Variants in MYO9B observed in about 807,000 individuals in gnomAD.
MYO9B encodes unconventional myosin-IXb.
Under a neutral mutation model 229.5 loss-of-function variants are expected in MYO9B, and 71 were observed. The observed-to-expected ratio is 0.31, with a 90% CI of 0.26 to 0.38. The LOEUF is 0.38. Among genes scored for constraint, MYO9B ranks in the 10% least tolerant of loss-of-function variants. The pLI, the probability that MYO9B is intolerant of heterozygous loss-of-function variation, is 1.00. For synonymous variants in MYO9B, 1,185 were observed against 1,235.8 expected, an observed-to-expected ratio of 0.96 and a Z score of 0.86; for missense variants, 2,255 against 2,920.5, an observed-to-expected ratio of 0.77 and a Z score of 5.25.
chr19:17,168,012 CTCA>C lies in MYO9B; in HGVS notation c.1745_1747del (p.Ile582del). 1 of 1,611,200 alleles carries C rather than the reference CTCA, an allele frequency of 6.2e-7. No individual in the cohort carries two copies. Among genetic ancestry groups the C allele is most frequent in the Non-Finnish European group, 8.5e-7 (1 of 1,178,878 alleles). On this transcript the variant is annotated inframe_deletion, in exon 11 of 40. Transcript: ENST00000682292. ...CACAGACAATGTCGGCTGCATCCAT[CTCA>C]TCAGCAAGAAACCCACGGGCCTCTT...
chr19:17,180,627 G>C (rs2072848532), intron 14 of MYO9B: 1 of 223,784 alleles, frequency 4.5e-6, no homozygotes, highest in East Asian at 1.1e-4. Flanking sequence ...TGGGATTACA[G>C]GTGTGAGCCA....
chr19:17,107,203 C>G (rs1242126390), intron 2 of MYO9B, among the ~76,000 whole-genome samples: 1 of 152,110 alleles, frequency 6.6e-6, no homozygotes, highest in Non-Finnish European at 1.5e-5. Flanking sequence ...CACTGCACTC[C>G]AGCCTGGGTG....
intron 1 of MYO9B, among the ~76,000 whole-genome samples, chr19:17,087,613 G>A (rs1051319946): frequency 1.3e-5 from 2 of 152,146 alleles, no homozygotes; most frequent in Non-Finnish European, 2.9e-5. Flanking sequence ...TATCCTGGGT[G>A]GCTGAGGAGG....
At position 17,200,526 on chromosome 19, in the gene MYO9B, G is replaced by A. The variant is rs1271606665; in HGVS notation, c.4372+100G>A. On this transcript the variant is annotated intron_variant, in intron 25 of 39. Coordinates refer to ENST00000682292, the MANE Select transcript of MYO9B (RefSeq NM_004145.4). Reference sequence around the variant, plus strand: ...GGGCCTTGAGTTGGCTGTGGGCCAAGCCCTAGGCACAGAGCCAGGGGTTTC... The same window carrying A: ...GGGCCTTGAGTTGGCTGTGGGCCAAACCCTAGGCACAGAGCCAGGGGTTTC... 4.0e-5 allele frequency: 61 copies of A among 1,510,700 alleles called. No homozygotes were observed. The East Asian group carries it at 1.5e-3, about 37-fold the overall frequency. 93.6% of individuals were successfully genotyped at this position (1,510,700 alleles called of 1,614,324 possible).
Position 17,097,329 on chromosome 19 carries a change from T to TA in MYO9B, c.-58-4318dup, listed in dbSNP as rs10667866. ...AAGCGAGACTCCATTTCAAAAAAATTAAAAAAAAAAAAACAGCATCTCGCC... is the reference window on the plus strand; with the variant it reads ...AAGCGAGACTCCATTTCAAAAAAATTAAAAAAAAAAAAAACAGCATCTCGCC... On this transcript the variant is annotated intron_variant, in intron 1 of 39. Coordinates refer to ENST00000682292, the MANE Select transcript of MYO9B (RefSeq NM_004145.4). Among the ~76,000 whole-genome samples the TA allele has an allele frequency of 5.2e-3, 721 of 137,582 alleles. 4 individuals carry two copies. Among genetic ancestry groups the TA allele is most frequent in the African/African-American group, 0.013 (463 of 36,998 alleles). 90.3% of individuals were successfully genotyped at this position (137,582 alleles called of 152,430 possible).
chr19:17,174,131 G>A (rs951736532), intron 13 of MYO9B, among the ~76,000 whole-genome samples: 5 of 143,310 alleles, frequency 3.5e-5, no homozygotes, highest in East Asian at 2.2e-4. Flanking sequence ...CCGGGTTCAC[G>A]CCATTCTCCT....
rs112899777 is a variant in MYO9B at position 17,101,412 on chromosome 19, C to T, written c.-58-248C>T. 1.3e-5 allele frequency among the ~76,000 whole-genome samples: 2 copies of T among 152,186 alleles called. No individual in the cohort carries two copies. The highest frequency in any genetic ancestry group is 2.4e-5 in the African/African-American group (1 of 41,554). On this transcript the variant is annotated intron_variant, in intron 1 of 39. Coordinates refer to ENST00000682292, the MANE Select transcript of MYO9B (RefSeq NM_004145.4). The surrounding 1 kb of genome is among the most constrained non-coding windows in gnomAD (Gnocchi z 4.7). ...AAACTCCTGGCCTCAAGCGATCCTCCCACCTTGGCCTCCTAAAGTGTTGGG... is the reference window on the plus strand; with the variant it reads ...AAACTCCTGGCCTCAAGCGATCCTCTCACCTTGGCCTCCTAAAGTGTTGGG...
intron 2 of MYO9B, among the ~76,000 whole-genome samples, chr19:17,108,185 C>T (rs1485490039): frequency 6.6e-6 from 1 of 152,234 alleles, no homozygotes; most frequent in African/African-American, 2.4e-5. Context: ...GGCCAACCTG[C>T]TTGGGGCCTC....
chr19:17,156,695 C>T (rs1175028735), intron 6 of MYO9B, among the ~76,000 whole-genome samples: 5 of 152,276 alleles, frequency 3.3e-5, no homozygotes, highest in Middle Eastern at 3.4e-3. Flanking sequence ...CCAACCTAGG[C>T]GACAGAGCCA....
intron 9 of MYO9B, 130 bp downstream of exon 9, chr19:17,162,596 G>T: frequency 1.3e-6 from 1 of 791,956 alleles, no homozygotes; most frequent in Non-Finnish European, 2.0e-6. Flanking sequence ...TTCCCCACAA[G>T]GACAGGCCCA....
chr19:17,092,715 G>C (rs914109155), intron 1 of MYO9B, among the ~76,000 whole-genome samples: 2 of 119,492 alleles, frequency 1.7e-5, no homozygotes, highest in Non-Finnish European at 3.2e-5. Flanking sequence ...ACAGAGCAAG[G>C]CTCCGTCAAA....
intron 35 of MYO9B, 34 bp from the exon 36 acceptor site, chr19:17,209,552 C>CT (rs2073202065): frequency 6.4e-7 from 1 of 1,561,638 alleles, no homozygotes; most frequent in Non-Finnish European, 8.7e-7. Flanking sequence ...GGGGCGGTAA[C>CT]TGAGTCACTT....
rs776810847 is a variant in MYO9B, at chr19:17,207,167, C to T, written c.5547C>T (p.Ile1849=). The change falls in exon 35 of 40, where the codon ATC becomes ATT. Residue 1849 remains isoleucine, a synonymous_variant. Transcript: ENST00000682292. ...TGTCACCTGGGGCGCTGGCCATTAT[C>T]TTCGCACCCTGCCTCCTGCGCTGCC... is the stretch of plus-strand genomic sequence containing the variant. ...NRMSPGALAI[I]FAPCLLRCPD... The T allele has an allele frequency of 1.9e-6, 3 of 1,607,782 alleles. No individual in the cohort carries two copies. Among genetic ancestry groups the T allele is most frequent in the Non-Finnish European group, 2.5e-6 (3 of 1,177,860 alleles).
At position 17,191,184 on chromosome 19, in the gene MYO9B, A is replaced by G. The variant is rs2145442547; in HGVS notation, c.2776A>G (p.Ile926Val). The part of the protein sequence containing the change: ...VISTLLEKMK[I>V]DKRNYQIGKT... ...CTCCACCCTCCTGGAGAAAATGAAG[A>G]TAGACAAGAGGAACTACCAGATCGG... Residue 926 changes from isoleucine to valine, a missense_variant, in exon 20 of 40, where the codon ATA becomes GTA. Ile to Val is a conservative substitution (Grantham distance 29). Around this residue, in one of 7 missense-constraint regions of MYO9B, gnomAD observed 679 missense variants for 770.2 expected, o/e 0.88. Coordinates refer to ENST00000682292, the MANE Select transcript of MYO9B (RefSeq NM_004145.4). The G allele has an allele frequency of 1.9e-6, 3 of 1,612,414 alleles. No homozygotes were observed. The highest frequency in any genetic ancestry group is 1.6e-4 in the Middle Eastern group (1 of 6,062).
chr19:17,132,146 T>G (rs58882461), intron 2 of MYO9B, among the ~76,000 whole-genome samples: 26,117 of 149,600 alleles, frequency 0.17, 2,561 homozygotes, highest in East Asian at 0.28. Flanking sequence ...GGGATTACAG[T>G]TGTGAGCCAC....
intron 13 of MYO9B, among the ~76,000 whole-genome samples, chr19:17,173,656 G>T (rs1269831442): frequency 6.6e-6 from 1 of 152,138 alleles, no homozygotes. Flanking sequence ...GCCTCAAAGG[G>T]ACATTTCTGT....
intron 1 of MYO9B, among the ~76,000 whole-genome samples, chr19:17,090,118 CTTTTTTTTTTTTTTTTTTTTTTTTT>C (rs59440394): frequency 6.1e-4 from 30 of 49,236 alleles, no homozygotes; most frequent in South Asian, 2.6e-3. Context: ...TGCTTCCTTC[CTTTTTTTTTTTTTTTTTTTTTTTTT>C]TTTTTTTTTT....
chr19:17,212,393 G>A lies in MYO9B; in HGVS notation c.*83G>A. 1 of 1,375,934 alleles carries A rather than the reference G, an allele frequency of 7.3e-7. No homozygotes were observed. Among genetic ancestry groups the A allele is most frequent in the Non-Finnish European group, 9.5e-7 (1 of 1,055,400 alleles). 85.2% of individuals were successfully genotyped at this position (1,375,934 alleles called of 1,614,324 possible). On this transcript the variant is annotated 3_prime_UTR_variant, in exon 40 of 40. Coordinates refer to ENST00000682292, the MANE Select transcript of MYO9B (RefSeq NM_004145.4). This position sits in a 1 kb window ranked among gnomAD's most constrained non-coding sequence, Gnocchi z 5.4. ...GCCAGAGCTGCAGAGCTAGTGTTCGGCCCTCAGAGAAGGATCCAGAATCAA... is the reference window on the plus strand; with the variant it reads ...GCCAGAGCTGCAGAGCTAGTGTTCGACCCTCAGAGAAGGATCCAGAATCAA...
At chr19:17,110,446 G>A (rs530372744) in intron 2 of MYO9B, among the ~76,000 whole-genome samples, 42 of 152,226 alleles carry the variant, frequency 2.8e-4, no homozygotes, top group African/African-American at 7.9e-4. Flanking sequence ...GGGTCTCGCC[G>A]CAAAGCACAC....
Sources: gnomAD v4.1 joint callset for allele counts (sites outside exome capture counted in the v4.1 genomes callset) on GRCh38, gnomAD v4.1.1 for gene constraint, gnomAD v4.1.1 regional missense constraint, Gnocchi (gnomAD v3.1) non-coding constraint, MANE v1.5 for transcripts, NCBI Gene and HGNC (gene_info 2026-07-23, HGNC 2026-07-21) for gene names.